Variants in NHEJ1 observed in about 807,000 individuals in gnomAD.
NHEJ1 encodes non-homologous end joining factor 1, also known as non-homologous end-joining factor 1.
In NHEJ1, 22 loss-of-function variants were observed where a neutral mutation model predicts 39.4. That is an observed-to-expected ratio of 0.56 (90% CI 0.40 to 0.80). The LOEUF is 0.80. Among genes scored for constraint, NHEJ1 ranks in the 30% least tolerant of loss-of-function variants. The pLI is 0.00. For missense variants in NHEJ1, 329 were observed against 357.1 expected, an observed-to-expected ratio of 0.92 and a Z score of 0.63; for synonymous variants, 154 against 135.6, an observed-to-expected ratio of 1.14 and a Z score of -0.94.
Position 219,102,877 on chromosome 2 carries a change from C to T in NHEJ1, c.589-24671G>A, listed in dbSNP as rs796967145. ...AAAATTAGCCGGGCGTAGTGGCGGGCGCCTGTAGTCCCAGCTACTTGGGAG... is the reference window on the plus strand; with the variant it reads ...AAAATTAGCCGGGCGTAGTGGCGGGTGCCTGTAGTCCCAGCTACTTGGGAG... On this transcript the variant is annotated intron_variant, in intron 5 of 7. Coordinates refer to ENST00000356853, the MANE Select transcript of NHEJ1 (RefSeq NM_024782.3). Among the ~76,000 whole-genome samples the T allele has an allele frequency of 9.3e-3, 1,362 of 146,074 alleles. 13 individuals are homozygous for T. Among genetic ancestry groups the T allele is most frequent in the African/African-American group, 0.034 (1,283 of 37,242 alleles).
intron 3 of NHEJ1, among the ~76,000 whole-genome samples, chr2:219,156,321 T>C (rs1219975984): frequency 1.3e-5 from 2 of 152,174 alleles, no homozygotes. Flanking sequence ...TATCCAGTCA[T>C]CTATTGATGC....
intron 5 of NHEJ1, among the ~76,000 whole-genome samples, chr2:219,083,456 G>GA (rs1414194697): frequency 3.5e-5 from 4 of 114,906 alleles, no homozygotes; most frequent in African/African-American, 6.7e-5. Flanking sequence ...TCAGGAATTA[G>GA]AAAAAAAATT....
chr2:219,084,238 C>T (rs530491615), intron 5 of NHEJ1, among the ~76,000 whole-genome samples: 1 of 152,194 alleles, frequency 6.6e-6, no homozygotes, highest in African/African-American at 2.4e-5. Context: ...AACTCCTGAC[C>T]TCAGGTGATC....
rs138565255 is a variant in NHEJ1 at position 219,071,592 on chromosome 2, A to G, written c.*4789T>C. Among the ~76,000 whole-genome samples, 220 of 152,308 alleles carry G rather than the reference A, an allele frequency of 1.4e-3. 1 individual carries two copies. The highest frequency in any genetic ancestry group is 4.9e-3 in the African/African-American group (204 of 41,554). Reference sequence around the variant, plus strand: ...AGCAGCCCCTGAACCCTACTCCCCAATTCTAACTCTGCTACTGTTTTGGGC... The same window carrying G: ...AGCAGCCCCTGAACCCTACTCCCCAGTTCTAACTCTGCTACTGTTTTGGGC... On this transcript the variant is annotated 3_prime_UTR_variant, in exon 8 of 8. Coordinates refer to ENST00000356853, the MANE Select transcript of NHEJ1 (RefSeq NM_024782.3).
intron 5 of NHEJ1, among the ~76,000 whole-genome samples, chr2:219,080,392 G>T (rs1486013554): frequency 2.6e-5 from 4 of 151,954 alleles, no homozygotes; most frequent in Non-Finnish European, 4.4e-5. Flanking sequence ...GGGCACGGTG[G>T]TGGGCGCCTG....
intron 5 of NHEJ1, among the ~76,000 whole-genome samples, chr2:219,124,242 CA>C (rs1055355517): frequency 1.3e-5 from 2 of 152,110 alleles, no homozygotes; most frequent in Admixed American, 1.3e-4. Flanking sequence ...GAATTGATAT[CA>C]GCAAAACTGT....
Position 219,100,609 on chromosome 2 carries a change from TAA to T in NHEJ1, c.589-22405_589-22404del, listed in dbSNP as rs58295341. Among the ~76,000 whole-genome samples the T allele has an allele frequency of 4.8e-3, 588 of 121,356 alleles. 4 individuals are homozygous for T. The highest frequency in any genetic ancestry group is 0.017 in the East Asian group (75 of 4,368). 79.6% of individuals were successfully genotyped at this position (121,356 alleles called of 152,430 possible). ...CTGGGCGACAGAATAAGACTGTCTTTAAAAAAAAAAAAAAAAAAGCAGCAATG... is the reference window on the plus strand; with the variant it reads ...CTGGGCGACAGAATAAGACTGTCTTTAAAAAAAAAAAAAAAAGCAGCAATG... On this transcript the variant is annotated intron_variant, in intron 5 of 7. Transcript: ENST00000356853.
intron 2 of NHEJ1, 103 bp from the exon 3 acceptor site, chr2:219,157,787 A>G: frequency 1.1e-6 from 1 of 902,914 alleles, no homozygotes; most frequent in Admixed American, 2.0e-5. Context: ...GGCAATGGAC[A>G]TGAGAGGAAG....
chr2:219,075,132 CT>C lies in NHEJ1; in HGVS notation c.*1248del, dbSNP rs1949000496. Among the ~76,000 whole-genome samples, 1 of 152,160 alleles carries C rather than the reference CT, an allele frequency of 6.6e-6. No individual in the cohort carries two copies. On this transcript the variant is annotated 3_prime_UTR_variant, in exon 8 of 8. Coordinates refer to ENST00000356853, the MANE Select transcript of NHEJ1 (RefSeq NM_024782.3). Reference sequence around the variant, plus strand: ...TATAATAATGCTGTTAAGAACTCAGCTGTCTGGGCTTAAATTCTGGCTGTCA... The same window carrying C: ...TATAATAATGCTGTTAAGAACTCAGCGTCTGGGCTTAAATTCTGGCTGTCA...
At chr2:219,158,916 A>G (rs1182732930) in intron 1 of NHEJ1, 1 of 176,682 alleles carries the variant, frequency 5.7e-6, no homozygotes, top group Non-Finnish European at 1.2e-5. Flanking sequence ...ATCTAGAGTC[A>G]ATGCATGTGA....
intron 5 of NHEJ1, among the ~76,000 whole-genome samples, chr2:219,103,542 C>T (rs978758274): frequency 6.6e-6 from 1 of 152,190 alleles, no homozygotes; most frequent in Non-Finnish European, 1.5e-5. Flanking sequence ...TCCCAAAGTG[C>T]TGGGATTACA....
Position 219,073,237 on chromosome 2 carries a change from A to G in NHEJ1, c.*3144T>C, listed in dbSNP as rs965548017. ...CAGATCTCACTCTTCGCCACCTTAC[A>G]CCATAGGAATTCGCTTCTCAGGAAT... is the stretch of plus-strand genomic sequence containing the variant. On this transcript the variant is annotated 3_prime_UTR_variant, in exon 8 of 8. Coordinates refer to ENST00000356853, the MANE Select transcript of NHEJ1 (RefSeq NM_024782.3). Among the ~76,000 whole-genome samples the G allele has an allele frequency of 1.4e-4, 22 of 152,176 alleles. No individual in the cohort carries two copies. The highest frequency in any genetic ancestry group is 5.1e-4 in the African/African-American group (21 of 41,430).
chr2:219,137,529 G>A (rs192107867), intron 5 of NHEJ1, among the ~76,000 whole-genome samples: 8 of 103,052 alleles, frequency 7.8e-5, no homozygotes, highest in East Asian at 3.2e-4. Flanking sequence ...AATGACAGTC[G>A]TTAACAATTG....
At chr2:219,098,050 T>A (rs1949224923) in intron 5 of NHEJ1, among the ~76,000 whole-genome samples, 1 of 152,184 alleles carries the variant, frequency 6.6e-6, no homozygotes, top group Non-Finnish European at 1.5e-5. Flanking sequence ...GGCGACCAAC[T>A]CTATCAAATG....
intron 5 of NHEJ1, among the ~76,000 whole-genome samples, chr2:219,119,974 A>C (rs1353457968): frequency 6.6e-6 from 1 of 152,168 alleles, no homozygotes; most frequent in Non-Finnish European, 1.5e-5. Context: ...CATATTTTGA[A>C]ATTACTATAT....
chr2:219,136,293 T>C (rs1949627454), intron 5 of NHEJ1, among the ~76,000 whole-genome samples: 1 of 150,728 alleles, frequency 6.6e-6, no homozygotes. Context: ...TTTCTTTTTT[T>C]TTTTTTTTTT....
chr2:219,093,781 T>TA (rs1324778388), intron 5 of NHEJ1, among the ~76,000 whole-genome samples: 2 of 152,206 alleles, frequency 1.3e-5, no homozygotes, highest in Admixed American at 1.3e-4. Context: ...TATTTTATAG[T>TA]AAAAATATTT....
At chr2:219,132,381 C>T in intron 5 of NHEJ1, among the ~76,000 whole-genome samples, 1 of 152,202 alleles carries the variant, frequency 6.6e-6, no homozygotes, top group East Asian at 1.9e-4. Flanking sequence ...TGCTCTTCCC[C>T]TAGCTGCTGG....
chr2:219,154,240 C>T (rs949968253), intron 3 of NHEJ1, among the ~76,000 whole-genome samples: 5 of 151,720 alleles, frequency 3.3e-5, no homozygotes, highest in South Asian at 4.2e-4. Context: ...CTAAACAGTG[C>T]GTACAGCATG....
Sources: allele counts gnomAD v4.1 joint callset (sites outside exome capture counted in the v4.1 genomes callset), GRCh38; gene constraint gnomAD v4.1.1; transcripts MANE v1.5; gene names NCBI Gene and HGNC (gene_info 2026-07-23, HGNC 2026-07-21).